The following HIP1 variants were observed in gnomAD, a reference collection of about 807,000 sequenced individuals.
HIP1 encodes huntingtin interacting protein 1, also known as huntingtin-interacting protein 1.
In HIP1, 65 loss-of-function variants were observed where a neutral mutation model predicts 147.6. The ratio of observed to expected loss-of-function variants is 0.44; its 90% CI spans 0.36 to 0.54. HIP1 has a LOEUF of 0.54. HIP1 is among the 20% of genes least tolerant of loss of function. The pLI is 0.00. For missense variants in HIP1, 1,061 were observed against 1,299.6 expected (o/e 0.82, Z 2.82); for synonymous variants, 479 against 504.0 (o/e 0.95, Z 0.67).
At chr7:75,543,094 C>T (rs1467147858) in intron 27 of HIP1, 120 bp from the exon 28 acceptor site, 8 of 1,033,974 alleles carry the variant, frequency 7.7e-6, no homozygotes, top group Non-Finnish European at 1.1e-5. Context: ...CACCAATCAG[C>T]TTCTCAAAAT....
At chr7:75,737,682 C>A (rs1266316458) in intron 1 of HIP1, among the ~76,000 whole-genome samples, 2 of 152,122 alleles carry the variant, frequency 1.3e-5, no homozygotes, top group African/African-American at 4.8e-5. Context: ...ATATACAGAA[C>A]CTTCAGTCAG....
At chr7:75,636,105 G>C (rs146260248) in intron 1 of HIP1, among the ~76,000 whole-genome samples, 2,200 of 151,424 alleles carry the variant, frequency 0.015, 57 homozygotes, top group African/African-American at 0.05. Context: ...ACTTTGGGAG[G>C]CTGAGGTGGG....
At chr7:75,586,066 G>A (rs587617266) in intron 5 of HIP1, among the ~76,000 whole-genome samples, 29 of 151,962 alleles carry the variant, frequency 1.9e-4, no homozygotes, top group Non-Finnish European at 3.7e-4. Context: ...CTCCAGCCTC[G>A]ACCTCCCATA....
intron 1 of HIP1, among the ~76,000 whole-genome samples, chr7:75,656,033 C>T (rs1330566354): frequency 1.3e-5 from 2 of 151,988 alleles, no homozygotes; most frequent in African/African-American, 4.8e-5. Context: ...GCAGGAGGAT[C>T]GCTTGAGCCT....
intron 1 of HIP1, among the ~76,000 whole-genome samples, chr7:75,687,789 C>T (rs1247099593): frequency 3.9e-5 from 6 of 152,144 alleles, no homozygotes; most frequent in African/African-American, 1.4e-4. Context: ...CTGGGCCCAA[C>T]CTTCCTTCCC....
rs868935010 is a variant in HIP1 at position 75,708,704 on chromosome 7, A to C, written c.120+30097T>G. 3.2e-4 allele frequency among the ~76,000 whole-genome samples: 48 copies of C among 152,198 alleles called. 1 individual carries two copies. Among genetic ancestry groups the C allele is most frequent in the African/African-American group, 1.1e-3 (46 of 41,546 alleles). On this transcript the variant is annotated intron_variant, in intron 1 of 30. Transcript: ENST00000336926. Reference sequence around the variant, plus strand: ...ATTTCTGGGCTCTCTATTGTATTTAATTGTTCTATATGTTTGTCTTTATGC... The same window carrying C: ...ATTTCTGGGCTCTCTATTGTATTTACTTGTTCTATATGTTTGTCTTTATGC...
At chr7:75,581,178 G>T in intron 7 of HIP1, 59 bp downstream of exon 7, 2 of 1,283,518 alleles carry the variant, frequency 1.6e-6, no homozygotes, top group Non-Finnish European at 2.2e-6. Flanking sequence ...GGGAGAGGAG[G>T]ACTAGGAATT....
intron 1 of HIP1, among the ~76,000 whole-genome samples, chr7:75,605,350 C>T (rs1347817170): frequency 1.3e-5 from 2 of 152,072 alleles, no homozygotes; most frequent in Admixed American, 1.3e-4. Context: ...AGCATGCAGC[C>T]TGAGGGCCGG....
Position 75,556,008 on chromosome 7 carries a change from T to C in HIP1, c.1827+18A>G. On this transcript the variant is annotated intron_variant, in intron 18 of 30. Transcript: ENST00000336926. ...GGGAATTCACAGGTGCTCGCTCGTG[T>C]CCATGTCCGTGACTTGCCTCTGTGC... 1 of 1,613,540 alleles carries C rather than the reference T, an allele frequency of 6.2e-7. No homozygotes were observed. Among genetic ancestry groups the C allele is most frequent in the South Asian group, 1.1e-5 (1 of 91,034 alleles).
chr7:75,705,433 T>C (rs1800959677), intron 1 of HIP1, among the ~76,000 whole-genome samples: 1 of 151,358 alleles, frequency 6.6e-6, no homozygotes, highest in Admixed American at 6.6e-5. Flanking sequence ...AGTGGCGCAA[T>C]CTCGGCTCAC....
At position 75,558,157 on chromosome 7, in the gene HIP1, A is replaced by C. The variant is rs782341563; in HGVS notation, c.1464+10T>G. Reference sequence around the variant, plus strand: ...GCCTGCAGGATGGTGACAGGGGCTGAGGGTCTTACCTTCCGCAGCAGGTCA... The same window carrying C: ...GCCTGCAGGATGGTGACAGGGGCTGCGGGTCTTACCTTCCGCAGCAGGTCA... On this transcript the variant is annotated intron_variant, in intron 15 of 30. Transcript: ENST00000336926. The C allele has an allele frequency of 1.3e-5, 21 of 1,609,128 alleles. No individual in the cohort carries two copies. The highest frequency in any genetic ancestry group is 3.3e-5 in the Admixed American group (2 of 59,992).
At chr7:75,557,395 T>C (rs1554493613) in intron 16 of HIP1, among the ~76,000 whole-genome samples, 1 of 152,108 alleles carries the variant, frequency 6.6e-6, no homozygotes, top group African/African-American at 2.4e-5. Context: ...CCATGTGTTT[T>C]CCTTTCCTCA....
intron 1 of HIP1, among the ~76,000 whole-genome samples, chr7:75,608,664 C>G (rs924108529): frequency 1.3e-5 from 2 of 152,124 alleles, no homozygotes; most frequent in Non-Finnish European, 2.9e-5. Flanking sequence ...GGGCAGAAGT[C>G]CAGAGAGGCA....
chr7:75,582,983 T>C (rs1796114370), intron 5 of HIP1, among the ~76,000 whole-genome samples: 1 of 151,948 alleles, frequency 6.6e-6, no homozygotes, highest in Non-Finnish European at 1.5e-5. Flanking sequence ...CTCTACTCCA[T>C]CCCCACTCCA....
intron 23 of HIP1, among the ~76,000 whole-genome samples, chr7:75,548,580 AG>A (rs1274617402): frequency 6.6e-6 from 1 of 151,966 alleles, no homozygotes; most frequent in Non-Finnish European, 1.5e-5. Flanking sequence ...CCTGGGCTCA[AG>A]TGATCCTCCT....
intron 24 of HIP1, 86 bp downstream of exon 24, chr7:75,547,669 A>G: frequency 1.2e-5 from 14 of 1,132,130 alleles, no homozygotes; most frequent in Non-Finnish European, 1.8e-5. Context: ...CTCTCCTCTA[A>G]TTCCCTAATA....
At chr7:75,538,638 G>T (rs1167834) in intron 30 of HIP1, among the ~76,000 whole-genome samples, 1 of 145,022 alleles carries the variant, frequency 6.9e-6, no homozygotes, top group Non-Finnish European at 1.5e-5. Flanking sequence ...GCAGTGGCGC[G>T]ATCTCGGCTC....
intron 1 of HIP1, among the ~76,000 whole-genome samples, chr7:75,632,494 C>A (rs1447295488): frequency 3.9e-5 from 6 of 151,938 alleles, no homozygotes; most frequent in Non-Finnish European, 5.9e-5. Context: ...CAGCCCTGAC[C>A]TTTTGGGCTC....
chr7:75,625,974 A>G (rs782279559), intron 1 of HIP1: 41 of 151,868 alleles, frequency 2.7e-4, no homozygotes, highest in Admixed American at 2.6e-4. Context: ...CACACCAGTC[A>G]TCTCTTCTAC....
Sources: gnomAD v4.1 joint callset for allele counts (sites outside exome capture counted in the v4.1 genomes callset) on GRCh38, gnomAD v4.1.1 for gene constraint, MANE v1.5 for transcripts, NCBI Gene and HGNC (gene_info 2026-07-23, HGNC 2026-07-21) for gene names.